The following CARM1 variants were observed in gnomAD, a reference collection of about 807,000 sequenced individuals.
CARM1 encodes the protein histone-arginine methyltransferase CARM1.
Under a neutral mutation model 72.7 loss-of-function variants are expected in CARM1, and 14 were observed. The ratio of observed to expected loss-of-function variants is 0.19; its 90% confidence interval spans 0.13 to 0.30. The LOEUF (loss-of-function observed/expected upper bound fraction) is 0.30, where lower values mean the gene tolerates loss of function less well. Among genes scored for constraint, CARM1 ranks in the 10% least tolerant of loss-of-function variants. The pLI, the probability that CARM1 is intolerant of heterozygous loss-of-function variation, is 1.00. For synonymous variants in CARM1, 333 were observed against 345.5 expected (o/e 0.96, Z 0.40); for missense variants, 432 against 833.7 (o/e 0.52, Z 5.93).
intron 1 of CARM1, among the ~76,000 whole-genome samples, 164 bp downstream of exon 1, chr19:10,872,086 GGACA>G (rs927059934): frequency 7.2e-5 from 11 of 152,140 alleles, no homozygotes; most frequent in Middle Eastern, 3.4e-3. Context: ...CGGTGCCAGG[GGACA>G]GACAGAGAAA....
intron 1 of CARM1, 129 bp from the exon 2 acceptor site, chr19:10,904,822 G>A: frequency 5.7e-6 from 7 of 1,228,130 alleles, no homozygotes; most frequent in Non-Finnish European, 8.0e-6. Context: ...CTGCCAGGGT[G>A]GTTTTGTGGC....
chr19:10,872,203 G>A (rs1221228115), intron 1 of CARM1, among the ~76,000 whole-genome samples: 1 of 151,998 alleles, frequency 6.6e-6, no homozygotes, highest in Admixed American at 6.6e-5. Context: ...TGGGTGAGCA[G>A]GAAGTGGGGG....
At position 10,920,036 on chromosome 19, in the gene CARM1, T is replaced by TTG; in HGVS notation, c.1196+70_1196+71insTG. 1 of 1,218,484 alleles carries TTG rather than the reference T, an allele frequency of 8.2e-7. No homozygotes were observed. Among genetic ancestry groups the TTG allele is most frequent in the South Asian group, 1.2e-5 (1 of 81,626 alleles). 75.5% of individuals were successfully genotyped at this position (1,218,484 alleles called of 1,614,324 possible). A position where few individuals can be genotyped will look rare whatever the true frequency, so the allele number is the denominator to read the frequency against. The stretch of plus-strand genomic sequence containing the variant: ...GGGCTTCCTGCAGCTGCAACCTGGC[T>TTG]GGGGGGGTGGAACATGGCTCCAGGT... On this transcript the variant is annotated intron_variant, in intron 10 of 15. Coordinates refer to ENST00000327064, the MANE Select transcript of CARM1 (RefSeq NM_199141.2). The surrounding 1 kb of genome is among the most constrained non-coding windows in gnomAD (Gnocchi z 5.3).
intron 6 of CARM1, among the ~76,000 whole-genome samples, chr19:10,914,978 G>T (rs2074183769): frequency 6.6e-6 from 1 of 152,206 alleles, no homozygotes; most frequent in Admixed American, 6.5e-5. Context: ...GTACAGGCAA[G>T]CAGCTGTGTG....
At position 10,877,984 on chromosome 19, in the gene CARM1, A is replaced by G. The variant is rs552307545; in HGVS notation, c.220+6062A>G. On this transcript the variant is annotated intron_variant, in intron 1 of 15. Transcript: ENST00000327064. ...ATCCTCCCAAGTAGCTGGGACTACA[A>G]GCACATGTCACCACCCTTGGCTAAT... Among the ~76,000 whole-genome samples, 3 of 152,194 alleles carry G rather than the reference A, an allele frequency of 2.0e-5. No individual in the cohort carries two copies. The East Asian group carries it at 5.8e-4, about 29-fold the overall frequency.
At chr19:10,873,168 C>T (rs2146292023) in intron 1 of CARM1, among the ~76,000 whole-genome samples, 1 of 152,210 alleles carries the variant, frequency 6.6e-6, no homozygotes, top group East Asian at 1.9e-4. Context: ...ATAAGCAAAA[C>T]CTATTCACTG....
intron 15 of CARM1, 44 bp downstream of exon 15, chr19:10,921,487 CG>C (rs2074249008): frequency 6.3e-7 from 1 of 1,578,492 alleles, no homozygotes; most frequent in African/African-American, 1.4e-5. Flanking sequence ...GCCGAGCTAG[CG>C]TGTGAGTCGC....
intron 8 of CARM1, chr19:10,919,121 C>T (rs1035865165): frequency 6.5e-6 from 1 of 154,848 alleles, no homozygotes; most frequent in African/African-American, 2.4e-5. Context: ...TACAATTCCA[C>T]ACCCAGCTAG....
chr19:10,903,829 A>G (rs568648514), intron 1 of CARM1, among the ~76,000 whole-genome samples: 1 of 152,184 alleles, frequency 6.6e-6, no homozygotes, highest in South Asian at 2.1e-4. Context: ...CAGCCTCCTG[A>G]GTCCCTAAGA....
At chr19:10,879,957 C>T (rs1196102177) in intron 1 of CARM1, among the ~76,000 whole-genome samples, 1 of 152,198 alleles carries the variant, frequency 6.6e-6, no homozygotes, top group Non-Finnish European at 1.5e-5. Flanking sequence ...CTGTGAGCAG[C>T]TCCTGGTCAC....
intron 8 of CARM1, 160 bp from the exon 9 acceptor site, chr19:10,919,435 G>T (rs561476419): frequency 4.9e-6 from 3 of 607,124 alleles, no homozygotes; most frequent in Admixed American, 3.0e-5. Flanking sequence ...CCTCGGTGGC[G>T]TTGTGCCGGT....
chr19:10,910,561 T>C (rs545549181), intron 4 of CARM1, among the ~76,000 whole-genome samples: 36 of 152,060 alleles, frequency 2.4e-4, no homozygotes, highest in Admixed American at 1.3e-3. Context: ...TTTTTTATTT[T>C]TTTATTTTTA....
chr19:10,885,432 GT>G (rs1004823358), intron 1 of CARM1, among the ~76,000 whole-genome samples: 11 of 152,304 alleles, frequency 7.2e-5, no homozygotes, highest in Admixed American at 7.2e-4. Context: ...TGCCGGATGT[GT>G]TACACATGTG....
chr19:10,922,004 C>A lies in CARM1; in HGVS notation c.*247C>A. 2.4e-6 allele frequency: 1 copy of A among 410,872 alleles called. No homozygotes were observed. Among genetic ancestry groups the A allele is most frequent in the Non-Finnish European group, 4.4e-6 (1 of 226,802 alleles). 25.5% of individuals were successfully genotyped at this position (410,872 alleles called of 1,614,324 possible). A position where few individuals can be genotyped will look rare whatever the true frequency, so the allele number is the denominator to read the frequency against. ...AAATCATGTTGTGGGAGCCCTCGTC[C>A]CCCCTCCTGCCCGCTCTACCCTGAC... On this transcript the variant is annotated 3_prime_UTR_variant, in exon 16 of 16. Transcript: ENST00000327064.
At chr19:10,900,608 C>A (rs916803495) in intron 1 of CARM1, among the ~76,000 whole-genome samples, 2 of 152,100 alleles carry the variant, frequency 1.3e-5, no homozygotes, top group African/African-American at 4.8e-5. Flanking sequence ...GTATTTCTAT[C>A]TTGTGTCTGT....
chr19:10,890,800 T>A (rs1214249719), intron 1 of CARM1, among the ~76,000 whole-genome samples: 134 of 128,308 alleles, frequency 1.0e-3, no homozygotes, highest in African/African-American at 3.0e-3. Flanking sequence ...TATATATTTT[T>A]TTTTTTTTTT....
At chr19:10,879,562 G>C (rs1482404883) in intron 1 of CARM1, among the ~76,000 whole-genome samples, 2 of 152,162 alleles carry the variant, frequency 1.3e-5, no homozygotes, top group Non-Finnish European at 2.9e-5. Flanking sequence ...AGGGTCCCCT[G>C]TGAGGAGTGG....
chr19:10,899,270 C>G (rs1346572832), intron 1 of CARM1, among the ~76,000 whole-genome samples: 2 of 152,222 alleles, frequency 1.3e-5, no homozygotes, highest in African/African-American at 4.8e-5. Flanking sequence ...CTGTAGTTGC[C>G]TGCCTGGCGC....
rs760334419 is a variant in CARM1 at position 10,915,646 on chromosome 19, C to T, written c.848-761C>T. ...TCTCGCCTCGGGTACAGCCTGGTGG[C>T]GTAAGGAGGAGGCAGAGTCCCACTG... On this transcript the variant is annotated intron_variant, in intron 6 of 15. Coordinates refer to ENST00000327064, the MANE Select transcript of CARM1 (RefSeq NM_199141.2). This position sits in a 1 kb window ranked among gnomAD's most constrained non-coding sequence, Gnocchi z 4.6. Among the ~76,000 whole-genome samples, 8 of 152,114 alleles carry T rather than the reference C, an allele frequency of 5.3e-5. No individual in the cohort carries two copies. Among genetic ancestry groups the T allele is most frequent in the East Asian group, 1.9e-4 (1 of 5,182 alleles).
Sources: gnomAD v4.1 joint callset for allele counts (sites outside exome capture counted in the v4.1 genomes callset) on GRCh38, gnomAD v4.1.1 for gene constraint, Gnocchi (gnomAD v3.1) non-coding constraint, MANE v1.5 for transcripts, NCBI Gene and HGNC (gene_info 2026-07-23, HGNC 2026-07-21) for gene names.